Variants in CERT1 observed in about 807,000 individuals in gnomAD.
CERT1 encodes the protein ceramide transporter 1, also known as ceramide transfer protein.
In CERT1, 31 loss-of-function variants were observed where a neutral mutation model predicts 87.9. That is an observed-to-expected ratio of 0.35 (90% CI 0.27 to 0.48). The LOEUF (loss-of-function observed/expected upper bound fraction) is 0.48, where lower values mean the gene tolerates loss of function less well. Ranked by LOEUF, CERT1 falls within the 20% of genes least tolerant of loss-of-function variation. CERT1 has a pLI of 0.99. For missense variants in CERT1, 487 were observed against 758.0 expected (o/e 0.64, Z 4.20); for synonymous variants, 289 against 250.9 (o/e 1.15, Z -1.44).
chr5:75,371,345 G>A (rs1761079486), intron 17 of CERT1: 1 of 152,190 alleles, frequency 6.6e-6, no homozygotes, highest in Non-Finnish European at 1.5e-5. Flanking sequence ...CTGGTGAAAA[G>A]TGTTTAATTG....
chr5:75,392,304 G>A (rs1762058550), intron 11 of CERT1, among the ~76,000 whole-genome samples: 1 of 152,154 alleles, frequency 6.6e-6, no homozygotes, highest in Admixed American at 6.5e-5. Context: ...TGATATTCCT[G>A]TAACAGCTAC....
intron 1 of CERT1, 84 bp downstream of exon 1, chr5:75,511,028 G>A (rs1580880353): frequency 4.2e-6 from 6 of 1,431,514 alleles, no homozygotes; most frequent in East Asian, 2.6e-5. Context: ...CGCGCCTCCC[G>A]CCAGCCCCAC....
At chr5:75,498,593 C>A (rs1422325419) in intron 2 of CERT1, among the ~76,000 whole-genome samples, 1 of 152,246 alleles carries the variant, frequency 6.6e-6, no homozygotes, top group African/African-American at 2.4e-5. Context: ...GCGGCTTTCC[C>A]ACGGTGTTGG....
chr5:75,469,848 T>C (rs1018221584), intron 2 of CERT1, among the ~76,000 whole-genome samples: 1 of 152,070 alleles, frequency 6.6e-6, no homozygotes, highest in Non-Finnish European at 1.5e-5. Context: ...TTTCAACATA[T>C]ACATACTGAA....
intron 2 of CERT1, among the ~76,000 whole-genome samples, chr5:75,500,029 T>C (rs896309613): frequency 1.3e-5 from 2 of 152,098 alleles, no homozygotes; most frequent in East Asian, 3.8e-4. Context: ...TCCTGATAAA[T>C]AGGGGAAATC....
intron 1 of CERT1, among the ~76,000 whole-genome samples, chr5:75,507,268 AC>A (rs1056822948): frequency 6.6e-6 from 1 of 151,930 alleles, no homozygotes; most frequent in Non-Finnish European, 1.5e-5. Flanking sequence ...ACAGGTGTGC[AC>A]CCCCACATCT....
At chr5:75,488,936 G>A (rs370065218) in intron 2 of CERT1, among the ~76,000 whole-genome samples, 2 of 152,122 alleles carry the variant, frequency 1.3e-5, no homozygotes. Flanking sequence ...AGCCCATATA[G>A]CCAAGACAAT....
At chr5:75,474,840 TCTATTA>T (rs1765887830) in intron 2 of CERT1, among the ~76,000 whole-genome samples, 1 of 65,260 alleles carries the variant, frequency 1.5e-5, no homozygotes, top group Non-Finnish European at 2.5e-5. Context: ...TCTCATGTAG[TCTATTA>T]GACTATATGA....
chr5:75,491,831 A>G (rs565948462), intron 2 of CERT1, among the ~76,000 whole-genome samples: 1 of 152,322 alleles, frequency 6.6e-6, no homozygotes, highest in Non-Finnish European at 1.5e-5. Flanking sequence ...CCACAAGCCT[A>G]CCACCTACCA....
intron 2 of CERT1, among the ~76,000 whole-genome samples, chr5:75,461,266 C>T (rs994899478): frequency 6.6e-6 from 1 of 152,158 alleles, no homozygotes; most frequent in Non-Finnish European, 1.5e-5. Flanking sequence ...AGATCAGCAG[C>T]GGCATTAGAT....
At chr5:75,465,872 C>T (rs542546845) in intron 2 of CERT1, among the ~76,000 whole-genome samples, 4 of 152,224 alleles carry the variant, frequency 2.6e-5, no homozygotes, top group East Asian at 1.9e-4. Context: ...AGAAGGACAG[C>T]GCAACATTCT....
intron 3 of CERT1, among the ~76,000 whole-genome samples, chr5:75,428,063 G>C (rs1327284456): frequency 6.6e-6 from 1 of 151,994 alleles, no homozygotes; most frequent in Non-Finnish European, 1.5e-5. Flanking sequence ...TCTAATTCCT[G>C]AAAATCTATT....
downstream of CERT1, chr5:75,377,356 C>G (rs1348161310): frequency 6.6e-6 from 1 of 152,188 alleles, no homozygotes; most frequent in African/African-American, 2.4e-5. Context: ...GCACAAACCC[C>G]TAGCAGGGCC....
At chr5:75,412,733 T>TA (rs1159331121) in intron 7 of CERT1, among the ~76,000 whole-genome samples, 2 of 152,094 alleles carry the variant, frequency 1.3e-5, no homozygotes, top group African/African-American at 4.8e-5. Context: ...ATATAAAAGA[T>TA]AAAAAACAGT....
chr5:75,409,331 C>CTGA (rs1490526009), intron 8 of CERT1, among the ~76,000 whole-genome samples: 5 of 152,140 alleles, frequency 3.3e-5, no homozygotes, highest in Non-Finnish European at 5.9e-5. Context: ...AGAATGCACT[C>CTGA]TCACAGTTGG....
chr5:75,467,235 C>T (rs999289567), intron 2 of CERT1, among the ~76,000 whole-genome samples: 1 of 152,172 alleles, frequency 6.6e-6, no homozygotes, highest in Non-Finnish European at 1.5e-5. Context: ...TATGATTCCA[C>T]TTTTATAAAA....
Position 75,386,103 on chromosome 5 carries a change from C to CT in CERT1, c.1285-70dup, listed in dbSNP as rs1470503574. 7 of 1,200,756 alleles carry CT rather than the reference C, an allele frequency of 5.8e-6. No homozygotes were observed. The East Asian group carries it at 2.0e-4, about 34-fold the overall frequency. The allele number at this position is 1,200,756 out of a possible 1,614,324, so 74.4% of individuals were successfully genotyped here. A position where few individuals can be genotyped will look rare whatever the true frequency, so the allele number is the denominator to read the frequency against. ...AAGCCCATAAAAGCAGGAAAGCATG[C>CT]TTTTAATACAGCTGCTCTTTAGATT... On this transcript the variant is annotated intron_variant, in intron 12 of 16. Coordinates refer to ENST00000643780, the MANE Select transcript of CERT1 (RefSeq NM_001379029.1).
Position 75,386,023 on chromosome 5 carries a change from T to C in CERT1, c.1296A>G (p.Arg432=). ...GAACAATCCCATTTTCTTCTACTTC[T>C]CTTCTGTATACCTAAAGAGAACATA... ...VEEGEMKVYR[R]EVEENGIVLD... Residue 432 remains arginine (R), a synonymous_variant, in exon 13 of 17, where the codon AGA becomes AGG. Coordinates refer to ENST00000643780, the MANE Select transcript of CERT1 (RefSeq NM_001379029.1). 1 of 1,563,002 alleles carries C rather than the reference T, an allele frequency of 6.4e-7. No individual in the cohort carries two copies. Among genetic ancestry groups the C allele is most frequent in the Non-Finnish European group, 8.6e-7 (1 of 1,156,736 alleles).
chr5:75,498,711 G>A (rs1171963010), intron 2 of CERT1, among the ~76,000 whole-genome samples: 1 of 152,212 alleles, frequency 6.6e-6, no homozygotes, highest in East Asian at 1.9e-4. Context: ...GCGGCAGGAG[G>A]GGAGCCCTCA....
Sources: allele counts gnomAD v4.1 joint callset (sites outside exome capture counted in the v4.1 genomes callset), GRCh38; gene constraint gnomAD v4.1.1; transcripts MANE v1.5; gene names NCBI Gene and HGNC (gene_info 2026-07-23, HGNC 2026-07-21).